The following DRC8 variants were observed in gnomAD, a reference collection of about 807,000 sequenced individuals.
DRC8 encodes dynein regulatory complex subunit 8, also known as dynein regulatory complex protein 8.
At chr1:244,991,381 G>GCTATAACATA in the DRC8 span, among the ~76,000 whole-genome samples, 5 of 152,054 alleles carry the variant, frequency 3.3e-5, no homozygotes, top group African/African-American at 1.2e-4. Context: ...GGGTTTTTGT[G>GCTATAACATA]GGGGTTCCAT....
the DRC8 span, among the ~76,000 whole-genome samples, chr1:244,984,612 A>C: frequency 6.6e-6 from 1 of 152,136 alleles, no homozygotes; most frequent in Non-Finnish European, 1.5e-5. Flanking sequence ...AGGCAGGTGG[A>C]TCACCTGAGG....
the DRC8 span, chr1:245,087,154 T>C: frequency 6.6e-7 from 1 of 1,525,452 alleles, no homozygotes; most frequent in African/African-American, 1.4e-5. Context: ...TGTGGGAGCT[T>C]GTGGGGCTCC....
chr1:245,082,122 A>T, the DRC8 span: 15 of 1,612,950 alleles, frequency 9.3e-6, no homozygotes, highest in African/African-American at 2.7e-5. Context: ...TCGATTCGAA[A>T]AATTTCTTCC....
chr1:245,071,172 A>G, the DRC8 span, among the ~76,000 whole-genome samples: 2 of 152,240 alleles, frequency 1.3e-5, no homozygotes, highest in African/African-American at 2.4e-5. Flanking sequence ...GACTATTTCT[A>G]TAACAAATAC....
At chr1:245,098,095 G>A in the DRC8 span, among the ~76,000 whole-genome samples, 4 of 152,198 alleles carry the variant, frequency 2.6e-5, no homozygotes, top group Non-Finnish European at 5.9e-5. Flanking sequence ...TTGGATTTGG[G>A]ATCTATTTGG....
At chr1:245,017,462 G>A in the DRC8 span, 36 of 913,720 alleles carry the variant, frequency 3.9e-5, no homozygotes, top group East Asian at 5.8e-5. Context: ...TCCATGCTCC[G>A]TAAAAGGTCT....
the DRC8 span, among the ~76,000 whole-genome samples, chr1:245,115,249 T>C: frequency 2.0e-5 from 3 of 151,714 alleles, no homozygotes; most frequent in African/African-American, 4.8e-5. Flanking sequence ...GGTTTCACCA[T>C]GTTGCCCAGA....
At chr1:245,110,841 CT>C in the DRC8 span, among the ~76,000 whole-genome samples, 1 of 152,304 alleles carries the variant, frequency 6.6e-6, no homozygotes, top group Non-Finnish European at 1.5e-5. Flanking sequence ...CCTTAAAGGG[CT>C]TCTGCATTGA....
the DRC8 span, among the ~76,000 whole-genome samples, chr1:244,976,285 T>G: frequency 1.5e-5 from 2 of 129,286 alleles, no homozygotes; most frequent in South Asian, 6.5e-4. Context: ...AAAAAACAAA[T>G]AAAACATAAG....
chr1:245,091,226 G>C, the DRC8 span: 1 of 152,378 alleles, frequency 6.6e-6, no homozygotes, highest in Non-Finnish European at 1.5e-5. Context: ...ACACATTGCA[G>C]CGGGGAAGGA....
the DRC8 span, among the ~76,000 whole-genome samples, chr1:245,016,675 T>C: frequency 6.6e-6 from 1 of 152,246 alleles, no homozygotes; most frequent in Admixed American, 6.5e-5. Context: ...AAGTACTAGG[T>C]AACTGTTTAC....
the DRC8 span, among the ~76,000 whole-genome samples, chr1:245,055,340 G>A: frequency 6.6e-6 from 1 of 151,960 alleles, no homozygotes; most frequent in African/African-American, 2.4e-5. Flanking sequence ...TTCTTTTAGA[G>A]ACACGATCTC....
the DRC8 span, among the ~76,000 whole-genome samples, chr1:245,033,117 C>T: frequency 2.6e-5 from 4 of 152,218 alleles, no homozygotes; most frequent in East Asian, 1.9e-4. Context: ...ACGGCTAGTC[C>T]GGTACTGCAT....
chr1:244,985,863 C>CAA, the DRC8 span, among the ~76,000 whole-genome samples: 8 of 137,514 alleles, frequency 5.8e-5, no homozygotes, highest in South Asian at 2.2e-4. Context: ...GACTCCATCT[C>CAA]AAAAAAAAAA....
the DRC8 span, among the ~76,000 whole-genome samples, chr1:245,008,760 C>CTAAG: frequency 6.6e-6 from 1 of 151,400 alleles, no homozygotes; most frequent in Non-Finnish European, 1.5e-5. Context: ...CCTTGAACTC[C>CTAAG]TGGGCTTAAG....
At chr1:244,975,755 G>C in the DRC8 span, among the ~76,000 whole-genome samples, 1 of 152,084 alleles carries the variant, frequency 6.6e-6, no homozygotes, top group South Asian at 2.1e-4. Context: ...AACTACTCAG[G>C]AGGCTGAGGC....
chr1:245,021,932 C>A, the DRC8 span, among the ~76,000 whole-genome samples: 4 of 152,192 alleles, frequency 2.6e-5, no homozygotes, highest in African/African-American at 7.2e-5. Flanking sequence ...GTCTCAGCCT[C>A]CCGAGCTGGG....
chr1:245,063,760 C>T, the DRC8 span, among the ~76,000 whole-genome samples: 4 of 152,156 alleles, frequency 2.6e-5, no homozygotes, highest in Non-Finnish European at 4.4e-5. Flanking sequence ...CTGACTCTGT[C>T]GCCCGGGCTG....
chr1:245,102,575 C>T, the DRC8 span, among the ~76,000 whole-genome samples: 1 of 152,138 alleles, frequency 6.6e-6, no homozygotes, highest in Non-Finnish European at 1.5e-5. Flanking sequence ...GTCTCAAACT[C>T]CTGACCTCAG....
Sources: allele counts gnomAD v4.1 joint callset (sites outside exome capture counted in the v4.1 genomes callset), GRCh38; gene constraint gnomAD v4.1.1; transcripts MANE v1.5; gene names NCBI Gene and HGNC (gene_info 2026-07-23, HGNC 2026-07-21).